Variants in LHX2 observed in about 807,000 individuals in gnomAD.
The protein encoded by LHX2 is LIM homeobox 2, also known as LIM/homeobox protein Lhx2.
A neutral mutation model predicts 33.0 loss-of-function variants in LHX2; 6 were observed. The ratio of observed to expected loss-of-function variants is 0.18; its 90% confidence interval spans 0.10 to 0.36. The LOEUF is 0.36. LHX2 is among the 10% of genes least tolerant of loss of function. The pLI is 1.00. For missense variants in LHX2, 442 were observed against 586.2 expected (o/e 0.75, Z 2.54); for synonymous variants, 292 against 253.1 (o/e 1.15, Z -1.46).
In LHX2 at chr9:124,016,564, C is replaced by A. The variant is rs548860403; in HGVS notation, c.727+1039C>A. 6.6e-6 allele frequency among the ~76,000 whole-genome samples: 1 copy of A among 152,138 alleles called. No individual in the cohort carries two copies. The highest frequency in any genetic ancestry group is 6.5e-5 in the Admixed American group (1 of 15,280). ...AGAAAAAAGCAAAAACAAAAACAAA[C>A]CCAAGACTGTGCAGAGGGTGCTACG... On this transcript the variant is annotated intron_variant, in intron 3 of 4. Transcript: ENST00000373615. The surrounding 1 kb of genome is among the most constrained non-coding windows in gnomAD (Gnocchi z 4.4).
At chr9:124,018,464 C>G (rs1170244400) in intron 3 of LHX2, among the ~76,000 whole-genome samples, 1 of 152,118 alleles carries the variant, frequency 6.6e-6, no homozygotes, top group East Asian at 1.9e-4. Flanking sequence ...GCCCTTGCCT[C>G]TGGCCGGCCT....
chr9:124,018,580 G>T (rs1485446648), intron 3 of LHX2, among the ~76,000 whole-genome samples: 4 of 151,846 alleles, frequency 2.6e-5, no homozygotes, highest in Admixed American at 1.3e-4. Context: ...GGCCTCCCCC[G>T]CAGGGACCGG....
At position 124,016,274 on chromosome 9, in the gene LHX2, G is replaced by A. The variant is rs986082831; in HGVS notation, c.727+749G>A. On this transcript the variant is annotated intron_variant, in intron 3 of 4. Coordinates refer to ENST00000373615, the MANE Select transcript of LHX2 (RefSeq NM_004789.4). The surrounding 1 kb of genome is among the most constrained non-coding windows in gnomAD (Gnocchi z 4.4). ...GTGGGGGGCTTGGTTCGGATTTCCG[G>A]CATCTTTGAACCCCAGGCCATTCCC... 4.6e-5 allele frequency among the ~76,000 whole-genome samples: 7 copies of A among 152,140 alleles called. No homozygotes were observed. Among genetic ancestry groups the A allele is most frequent in the African/African-American group, 9.7e-5 (4 of 41,440 alleles).
In LHX2 at chr9:124,014,167, G is replaced by GC. The variant is rs757025161; in HGVS notation, c.323+11dup. On this transcript the variant is annotated splice_donor_region_variant and intron_variant, in intron 2 of 4. Transcript: ENST00000373615. This position sits in a 1 kb window ranked among gnomAD's most constrained non-coding sequence, Gnocchi z 4.8. The stretch of plus-strand genomic sequence containing the variant: ...ACTGCAAGGAAGACTACTACAGGTA[G>GC]CCCCCCCACCCAACTGCCCCTCAGG... The GC allele has an allele frequency of 3.8e-5, 61 of 1,607,806 alleles. No individual in the cohort carries two copies. The highest frequency in any genetic ancestry group is 1.6e-4 in the Middle Eastern group (1 of 6,074).
rs1004069278 is a variant in LHX2 at position 124,025,771 on chromosome 9, G to A, written c.933+4467G>A. On this transcript the variant is annotated intron_variant, in intron 4 of 4. Transcript: ENST00000373615. ...GGCTGAAGTGGGCAGATCACTTGAG[G>A]CCAGGCATTTGAGACCAGCCTGGCC... is the stretch of plus-strand genomic sequence containing the variant. 2.6e-5 allele frequency among the ~76,000 whole-genome samples: 4 copies of A among 152,160 alleles called. No homozygotes were observed. In the South Asian group the frequency reaches 8.3e-4, roughly 32 times the overall value.
At position 124,032,883 on chromosome 9, in the gene LHX2, C is replaced by T. The variant is rs1828720660; in HGVS notation, c.*176C>T. On this transcript the variant is annotated 3_prime_UTR_variant, in exon 5 of 5. Transcript: ENST00000373615. The surrounding 1 kb of genome is among the most constrained non-coding windows in gnomAD (Gnocchi z 4.1). ...GCCCGGCTAATGCAGCGGTGTGGAC[C>T]GAGGAACAACTTGGAAGATCTACCT... The T allele has an allele frequency of 1.0e-5, 6 of 596,832 alleles. No homozygotes were observed. The highest frequency in any genetic ancestry group is 1.9e-5 in the African/African-American group (1 of 53,006). 37.0% of individuals were successfully genotyped at this position (596,832 alleles called of 1,614,324 possible).
intron 4 of LHX2, among the ~76,000 whole-genome samples, chr9:124,022,532 A>G (rs1431922277): frequency 6.6e-6 from 1 of 152,184 alleles, no homozygotes; most frequent in Non-Finnish European, 1.5e-5. Flanking sequence ...CCGAGGGATG[A>G]AGTAACCGGA....
At chr9:124,031,005 G>A (rs1828697594) in intron 4 of LHX2, among the ~76,000 whole-genome samples, 2 of 152,114 alleles carry the variant, frequency 1.3e-5, no homozygotes, top group South Asian at 4.1e-4. Context: ...GGACGCGTGT[G>A]TGTCTGTGCC....
chr9:124,027,557 G>C (rs975882575), intron 4 of LHX2, among the ~76,000 whole-genome samples: 4 of 152,060 alleles, frequency 2.6e-5, no homozygotes, highest in Admixed American at 1.3e-4. Context: ...GGTGTCTCCT[G>C]CCTGTAATCC....
In LHX2 at chr9:124,021,131, C is replaced by G. The variant is rs1471239345; in HGVS notation, c.760C>G (p.Leu254Val). The change falls in exon 4 of 5, where the codon CTG becomes GTG. Residue 254 changes from leucine (L) to valine (V), a missense_variant. By Grantham distance (32) the Leu-to-Val change is conservative (BLOSUM62 1). Coordinates refer to ENST00000373615, the MANE Select transcript of LHX2 (RefSeq NM_004789.4). ...LSCNENDAEH[L>V]DRDQPYPSSQ... ...CTGCAACGAAAACGACGCAGAGCAC[C>G]TGGACCGTGACCAGCCATACCCGAG... 3 of 1,614,162 alleles carry G rather than the reference C, an allele frequency of 1.9e-6. No individual in the cohort carries two copies. Among genetic ancestry groups the G allele is most frequent in the Non-Finnish European group, 2.5e-6 (3 of 1,180,050 alleles).
rs780297630 is a variant in LHX2, at chr9:124,015,482, T to C, written c.684T>C (p.Arg228=). 2.7e-6 allele frequency: 4 copies of C among 1,489,882 alleles called. No individual in the cohort carries two copies. The African/African-American group carries it at 4.2e-5, about 16-fold the overall frequency. The allele number at this position is 1,489,882 out of a possible 1,614,324, so 92.3% of individuals were successfully genotyped here. The change falls in exon 3 of 5, where the codon CGT becomes CGC. Residue 228 remains arginine (R), a synonymous_variant. Coordinates refer to ENST00000373615, the MANE Select transcript of LHX2 (RefSeq NM_004789.4). This position sits in a 1 kb window ranked among gnomAD's most constrained non-coding sequence, Gnocchi z 7.9. ...TGCAGAAGGGGCGGCCGAGGAAACGTAAGAGCCCGGGCCCCGGTGCGGATC... is the reference window on the plus strand; with the variant it reads ...TGCAGAAGGGGCGGCCGAGGAAACGCAAGAGCCCGGGCCCCGGTGCGGATC... ...GTVQKGRPRK[R]KSPGPGADLA...
intron 3 of LHX2, among the ~76,000 whole-genome samples, chr9:124,018,831 G>A (rs1235552462): frequency 2.0e-5 from 3 of 151,842 alleles, no homozygotes. Context: ...GCCTTTCTGT[G>A]TTTGTCTTTT....
At chr9:124,023,787 CAG>C (rs1828559521) in intron 4 of LHX2, among the ~76,000 whole-genome samples, 1 of 152,204 alleles carries the variant, frequency 6.6e-6, no homozygotes, top group African/African-American at 2.4e-5. Flanking sequence ...CTTGGGGACA[CAG>C]AGATGAACAA....
At chr9:124,030,720 C>T (rs1407990784) in intron 4 of LHX2, among the ~76,000 whole-genome samples, 2 of 150,376 alleles carry the variant, frequency 1.3e-5, no homozygotes, top group East Asian at 3.9e-4. Context: ...TATCCTCCGC[C>T]TCCCGGGTTC....
At position 124,015,108 on chromosome 9, in the gene LHX2, C is replaced by T. The variant is rs776876425; in HGVS notation, c.324-14C>T. The T allele has an allele frequency of 6.2e-7, 1 of 1,610,538 alleles. No individual in the cohort carries two copies. The highest frequency in any genetic ancestry group is 1.7e-5 in the Admixed American group (1 of 59,980). ...CGTGTGTTCCCACAGCCCCTCCCTC[C>T]ATGGTCCCTACAGGCGCTTCTCTGT... On this transcript the variant is annotated splice_polypyrimidine_tract_variant and intron_variant, in intron 2 of 4. Coordinates refer to ENST00000373615, the MANE Select transcript of LHX2 (RefSeq NM_004789.4). The surrounding 1 kb of genome is among the most constrained non-coding windows in gnomAD (Gnocchi z 7.9).
In LHX2 at chr9:124,012,281, G is replaced by A; in HGVS notation, c.-68G>A. On this transcript the variant is annotated 5_prime_UTR_variant, in exon 1 of 5. Transcript: ENST00000373615. This position sits in a 1 kb window ranked among gnomAD's most constrained non-coding sequence, Gnocchi z 4.3. ...GGCCCGTTAGCGCCAGGAGCGCCAG[G>A]CAGCTGAGGCGGGGGGCAAGCCCTC... The A allele has an allele frequency of 1.4e-6, 2 of 1,396,974 alleles. No homozygotes were observed. Among genetic ancestry groups the A allele is most frequent in the Non-Finnish European group, 1.9e-6 (2 of 1,078,966 alleles). The allele number at this position is 1,396,974 out of a possible 1,614,324, so 86.5% of individuals were successfully genotyped here.
Position 124,032,967 on chromosome 9 carries a change from A to C in LHX2, c.*260A>C, listed in dbSNP as rs2118788683. On this transcript the variant is annotated 3_prime_UTR_variant, in exon 5 of 5. Transcript: ENST00000373615. This position sits in a 1 kb window ranked among gnomAD's most constrained non-coding sequence, Gnocchi z 4.1. Reference sequence around the variant, plus strand: ...TGGACTGAGCGAGGAAAAACAACAAATAATTTAAGTTGGCTAGAGCTTCTG... The same window carrying C: ...TGGACTGAGCGAGGAAAAACAACAACTAATTTAAGTTGGCTAGAGCTTCTG... 2 of 344,436 alleles carry C rather than the reference A, an allele frequency of 5.8e-6. No homozygotes were observed. The highest frequency in any genetic ancestry group is 4.7e-5 in the Admixed American group (1 of 21,458). The allele number at this position is 344,436 out of a possible 1,614,324, so 21.3% of individuals were successfully genotyped here. A position where few individuals can be genotyped will look rare whatever the true frequency, so the allele number is the denominator to read the frequency against.
intron 4 of LHX2, among the ~76,000 whole-genome samples, chr9:124,026,629 C>T (rs1168158136): frequency 1.3e-5 from 2 of 152,162 alleles, no homozygotes; most frequent in African/African-American, 4.8e-5. Flanking sequence ...TCAAGGTTGA[C>T]TGTGTCTTTC....
At chr9:124,019,031 C>A (rs576777324) in intron 3 of LHX2, among the ~76,000 whole-genome samples, 2 of 152,196 alleles carry the variant, frequency 1.3e-5, no homozygotes, top group Non-Finnish European at 2.9e-5. Context: ...GGCTGCCCCA[C>A]CCCCAGTGGA....
Sources: allele counts gnomAD v4.1 joint callset (sites outside exome capture counted in the v4.1 genomes callset), GRCh38; gene constraint gnomAD v4.1.1; non-coding constraint Gnocchi (gnomAD v3.1); transcripts MANE v1.5; gene names NCBI Gene and HGNC (gene_info 2026-07-23, HGNC 2026-07-21).